TTL: variants seen among roughly 807,000 people sequenced by gnomAD.
TTL encodes tubulin--tyrosine ligase.
Under a neutral mutation model 41.1 loss-of-function variants are expected in TTL, and 10 were observed. The ratio of observed to expected loss-of-function variants is 0.24; its 90% CI spans 0.15 to 0.41. The LOEUF (loss-of-function observed/expected upper bound fraction) is 0.41. TTL is among the 10% of genes least tolerant of loss of function. The pLI is 1.00. For synonymous variants in TTL, 175 were observed against 175.5 expected, an observed-to-expected ratio of 1.00 and a Z score of 0.02; for missense variants, 367 against 460.4, an observed-to-expected ratio of 0.80 and a Z score of 1.86.
In TTL at chr2:112,528,748, G is replaced by C; in HGVS notation, c.1087G>C (p.Asp363His). ...CATTTCCAGTGTCTTCCCACCCCCA[G>C]ATGTGGAGCAACCTCAGACCCAGCC... ...IAISSVFPPP[D>H]VEQPQTQPAA... Residue 363 changes from aspartate (D) to histidine (H), a missense_variant, in exon 7 of 7, where the codon GAT (aspartate) becomes CAT (histidine). Physicochemically the swap from Asp to His is moderately conservative, Grantham distance 81 (BLOSUM62 -1). Transcript: ENST00000233336. The C allele has an allele frequency of 1.2e-6, 2 of 1,614,170 alleles. No homozygotes were observed. The highest frequency in any genetic ancestry group is 1.3e-5 in the African/African-American group (1 of 75,060).
At chr2:112,490,183 A>T (rs980181646) in intron 2 of TTL, among the ~76,000 whole-genome samples, 1 of 152,198 alleles carries the variant, frequency 6.6e-6, no homozygotes, top group African/African-American at 2.4e-5. Flanking sequence ...TCAGAGGCCA[A>T]GGCAGGTGCA....
In TTL at chr2:112,532,227, A is replaced by G. The variant is rs544830848; in HGVS notation, c.*3432A>G. 1 of 228,096 alleles carries G rather than the reference A, an allele frequency of 4.4e-6. No individual in the cohort carries two copies. Among genetic ancestry groups the G allele is most frequent in the South Asian group, 1.8e-4 (1 of 5,506 alleles). The allele number at this position is 228,096 out of a possible 1,614,324, so 14.1% of individuals were successfully genotyped here. A position where few individuals can be genotyped will look rare whatever the true frequency, so the allele number is the denominator to read the frequency against. ...GTGGTGAGAGGCTCTACTAGCAAAG[A>G]CATGGGCACCGGAGTAGGTCCCGTG... On this transcript the variant is annotated 3_prime_UTR_variant, in exon 7 of 7. Coordinates refer to ENST00000233336, the MANE Select transcript of TTL (RefSeq NM_153712.5).
rs1682517639 is a variant in TTL at position 112,531,925 on chromosome 2, A to T, written c.*3130A>T. On this transcript the variant is annotated 3_prime_UTR_variant, in exon 7 of 7. Coordinates refer to ENST00000233336, the MANE Select transcript of TTL (RefSeq NM_153712.5). ...TAAATATGTATTAAGGGTATTAATT[A>T]TTGAAAGTCCCTTTCCCCAAAACTC... 4.5e-6 allele frequency: 1 copy of T among 224,080 alleles called. No homozygotes were observed. 13.9% of individuals were successfully genotyped at this position (224,080 alleles called of 1,614,324 possible). A position where few individuals can be genotyped will look rare whatever the true frequency, so the allele number is the denominator to read the frequency against.
chr2:112,484,193 A>G (rs1681172080), intron 1 of TTL, among the ~76,000 whole-genome samples: 2 of 151,716 alleles, frequency 1.3e-5, no homozygotes, highest in Non-Finnish European at 2.9e-5. Flanking sequence ...CCACAAATTC[A>G]GGAGATGATC....
rs944359252 is a variant in TTL, at chr2:112,530,100, C to T, written c.*1305C>T. The T allele has an allele frequency of 3.5e-5, 8 of 229,886 alleles. No homozygotes were observed. The highest frequency in any genetic ancestry group is 1.6e-4 in the African/African-American group (7 of 45,148). 14.2% of individuals were successfully genotyped at this position (229,886 alleles called of 1,614,324 possible). On this transcript the variant is annotated 3_prime_UTR_variant, in exon 7 of 7. Coordinates refer to ENST00000233336, the MANE Select transcript of TTL (RefSeq NM_153712.5). ...CAGCAACCCATTGAAAACTGCCCTC[C>T]CCACCAGAACGTGCTACGTTCTTTC...
chr2:112,500,978 AAGAT>A (rs1681677954), intron 3 of TTL, among the ~76,000 whole-genome samples: 1 of 148,948 alleles, frequency 6.7e-6, no homozygotes, highest in Non-Finnish European at 1.5e-5. Flanking sequence ...GTAGCCAGCC[AAGAT>A]AGCGTTGACA....
At chr2:112,489,072 G>C (rs1197171194) in intron 2 of TTL, among the ~76,000 whole-genome samples, 1 of 152,170 alleles carries the variant, frequency 6.6e-6, no homozygotes, top group African/African-American at 2.4e-5. Context: ...GGGTGACAGA[G>C]TGAGACGCCG....
At chr2:112,487,538 A>G (rs2104446758) in intron 2 of TTL, among the ~76,000 whole-genome samples, 1 of 152,322 alleles carries the variant, frequency 6.6e-6, no homozygotes, top group Non-Finnish European at 1.5e-5. Context: ...CCATGTTTGT[A>G]TATTTTGCAG....
chr2:112,526,470 T>G (rs996958502), intron 6 of TTL, among the ~76,000 whole-genome samples: 19 of 152,214 alleles, frequency 1.2e-4, no homozygotes, highest in African/African-American at 4.3e-4. Flanking sequence ...TCAGAGCCAG[T>G]TATTGGTCTA....
chr2:112,488,555 C>T (rs938949089), intron 2 of TTL, among the ~76,000 whole-genome samples: 1 of 148,676 alleles, frequency 6.7e-6, no homozygotes, highest in African/African-American at 2.5e-5. Flanking sequence ...GTCAGGAGTT[C>T]GAGACCAATC....
At chr2:112,483,257 CA>C (rs1310749109) in intron 1 of TTL, 2 of 152,254 alleles carry the variant, frequency 1.3e-5, no homozygotes, top group Admixed American at 6.5e-5. Flanking sequence ...CCACCATACC[CA>C]CATGTCCACG....
At chr2:112,488,949 T>C (rs916154544) in intron 2 of TTL, among the ~76,000 whole-genome samples, 8 of 151,808 alleles carry the variant, frequency 5.3e-5, no homozygotes, top group Non-Finnish European at 8.8e-5. Context: ...TAGCTGGGCA[T>C]GGTGGCAGGC....
rs1241189990 is a variant in TTL at position 112,537,264 on chromosome 2, A to C, written c.*8469A>C. 6.6e-6 allele frequency: 1 copy of C among 152,358 alleles called. No individual in the cohort carries two copies. The highest frequency in any genetic ancestry group is 6.5e-5 in the Admixed American group (1 of 15,282). 9.4% of individuals were successfully genotyped at this position (152,358 alleles called of 1,614,324 possible). ...CCCAGCTAATTTCTGTATTTTTAGC[A>C]GAGACAGGGTTTCACCATGTTGGCT... On this transcript the variant is annotated 3_prime_UTR_variant, in exon 7 of 7. Coordinates refer to ENST00000233336, the MANE Select transcript of TTL (RefSeq NM_153712.5).
intron 4 of TTL, among the ~76,000 whole-genome samples, chr2:112,502,337 A>C (rs557246559): frequency 1.3e-5 from 2 of 152,278 alleles, no homozygotes; most frequent in South Asian, 4.1e-4. Flanking sequence ...GGTTAACCTT[A>C]AAATCCAACC....
chr2:112,525,307 G>T (rs572327547), intron 6 of TTL, among the ~76,000 whole-genome samples: 1 of 152,238 alleles, frequency 6.6e-6, no homozygotes, highest in South Asian at 2.1e-4. Context: ...CTTTAAAGTA[G>T]TTTTTTCCAA....
chr2:112,531,334 C>T lies in TTL; in HGVS notation c.*2539C>T, dbSNP rs1161349450. On this transcript the variant is annotated 3_prime_UTR_variant, in exon 7 of 7. Coordinates refer to ENST00000233336, the MANE Select transcript of TTL (RefSeq NM_153712.5). ...GGAAATGTCAGTTGCAATCATGGTT[C>T]TGTCATTTGACTGCACAGTATCAGA... 1 of 227,416 alleles carries T rather than the reference C, an allele frequency of 4.4e-6. No individual in the cohort carries two copies. Among genetic ancestry groups the T allele is most frequent in the Non-Finnish European group, 8.8e-6 (1 of 114,072 alleles). 14.1% of individuals were successfully genotyped at this position (227,416 alleles called of 1,614,324 possible). A position where few individuals can be genotyped will look rare whatever the true frequency, so the allele number is the denominator to read the frequency against.
rs1315679373 is a variant in TTL at position 112,535,517 on chromosome 2, AGT to A, written c.*6723_*6724del. On this transcript the variant is annotated 3_prime_UTR_variant, in exon 7 of 7. Transcript: ENST00000233336. ...CCACCTCAAGACACACCAGCCACTA[AGT>A]AAATAATTTTAAATATATAGTAAAA... 6.6e-6 allele frequency: 1 copy of A among 152,192 alleles called. No homozygotes were observed. The highest frequency in any genetic ancestry group is 1.5e-5 in the Non-Finnish European group (1 of 68,034). 9.4% of individuals were successfully genotyped at this position (152,192 alleles called of 1,614,324 possible). A position where few individuals can be genotyped will look rare whatever the true frequency, so the allele number is the denominator to read the frequency against.
At chr2:112,518,927 G>A (rs1012434625) in intron 5 of TTL, among the ~76,000 whole-genome samples, 59 of 151,996 alleles carry the variant, frequency 3.9e-4, no homozygotes, top group African/African-American at 1.3e-3. Flanking sequence ...CACCCGCCTC[G>A]GCCTCCCAAA....
rs1005533527 is a variant in TTL at position 112,537,122 on chromosome 2, C to T, written c.*8327C>T. 3 of 152,688 alleles carry T rather than the reference C, an allele frequency of 2.0e-5. No homozygotes were observed. Among genetic ancestry groups the T allele is most frequent in the African/African-American group, 7.2e-5 (3 of 41,442 alleles). 9.5% of individuals were successfully genotyped at this position (152,688 alleles called of 1,614,324 possible). A position where few individuals can be genotyped will look rare whatever the true frequency, so the allele number is the denominator to read the frequency against. ...GTTTGGTGGAGTCTCTCTCTGTCACCCAGGCTGGAGTGCAGTGGTGTGATC... is the reference window on the plus strand; with the variant it reads ...GTTTGGTGGAGTCTCTCTCTGTCACTCAGGCTGGAGTGCAGTGGTGTGATC... On this transcript the variant is annotated 3_prime_UTR_variant, in exon 7 of 7. Coordinates refer to ENST00000233336, the MANE Select transcript of TTL (RefSeq NM_153712.5).
Sources: allele counts gnomAD v4.1 joint callset (sites outside exome capture counted in the v4.1 genomes callset), GRCh38; gene constraint gnomAD v4.1.1; transcripts MANE v1.5; gene names NCBI Gene and HGNC (gene_info 2026-07-23, HGNC 2026-07-21).